The following CEMIP2 variants were observed in gnomAD, a reference collection of about 807,000 sequenced individuals.
CEMIP2 encodes the protein cell surface hyaluronidase CEMIP2.
In CEMIP2, 79 loss-of-function variants were observed where a neutral mutation model predicts 146.9. The ratio of observed to expected loss-of-function variants is 0.54; its 90% CI spans 0.45 to 0.65. CEMIP2 has a LOEUF of 0.65. Among genes scored for constraint, CEMIP2 ranks in the 30% least tolerant of loss-of-function variants. The pLI is 0.00. For synonymous variants in CEMIP2, 601 were observed against 606.3 expected (o/e 0.99, Z 0.13); for missense variants, 1,596 against 1,696.2 (o/e 0.94, Z 1.04).
At chr9:71,752,276 T>C (rs184400644) in intron 1 of CEMIP2, among the ~76,000 whole-genome samples, 47 of 151,776 alleles carry the variant, frequency 3.1e-4, no homozygotes, top group African/African-American at 1.1e-3. Context: ...CTAAAAGGCC[T>C]ATTAATCTCA....
At chr9:71,712,420 T>C in intron 15 of CEMIP2, 160 bp from the exon 16 acceptor site, 1 of 619,344 alleles carries the variant, frequency 1.6e-6, no homozygotes, top group Non-Finnish European at 2.8e-6. Context: ...ATGAAACATA[T>C]GCTGTAGTGG....
At chr9:71,728,303 A>ACGTG (rs1491281318) in intron 10 of CEMIP2, among the ~76,000 whole-genome samples, 1 of 24,648 alleles carries the variant, frequency 4.1e-5, no homozygotes, top group Non-Finnish European at 8.0e-5. Context: ...ATATATATAC[A>ACGTG]TATATATATA....
Position 71,728,275 on chromosome 9 carries a change from A to ACGTATATATATATATACG in CEMIP2, c.2049+1569_2049+1570insCGTATATATATATATACG, listed in dbSNP as rs71353512. Among the ~76,000 whole-genome samples the ACGTATATATATATATACG allele has an allele frequency of 9.8e-3, 125 of 12,702 alleles. 29 individuals are homozygous for ACGTATATATATATATACG. The highest frequency in any genetic ancestry group is 0.02 in the Non-Finnish European group (106 of 5,348). The allele number at this position is 12,702 out of a possible 152,430, so 8.3% of individuals were successfully genotyped here. On this transcript the variant is annotated intron_variant, in intron 10 of 23. Transcript: ENST00000377044. Reference sequence around the variant, plus strand: ...TGTATATACACGTATATATATATATATATATGTATATATATATATATATAT... The same window carrying ACGTATATATATATATACG: ...TGTATATACACGTATATATATATATACGTATATATATATATACGTATATGTATATATATATATATATAT...
At chr9:71,686,283 C>T (rs1822058773) in intron 22 of CEMIP2, 2 of 165,528 alleles carry the variant, frequency 1.2e-5, no homozygotes, top group African/African-American at 4.8e-5. Flanking sequence ...AGGAGCAGAA[C>T]CCTATTGGGA....
chr9:71,757,698 A>G (rs931509882), intron 1 of CEMIP2, among the ~76,000 whole-genome samples: 1 of 152,214 alleles, frequency 6.6e-6, no homozygotes, highest in African/African-American at 2.4e-5. Context: ...GGAGAAGAAC[A>G]CAACAAAGAA....
intron 14 of CEMIP2, among the ~76,000 whole-genome samples, chr9:71,715,648 A>ATATATATG (rs967444649): frequency 7.5e-5 from 10 of 134,222 alleles, no homozygotes; most frequent in South Asian, 4.6e-4. Flanking sequence ...ATATATATAT[A>ATATATATG]CTTTTTTTTT....
chr9:71,714,952 C>A lies in CEMIP2; in HGVS notation c.2573G>T (p.Arg858Leu). The A allele has an allele frequency of 6.2e-7, 1 of 1,613,530 alleles. No individual in the cohort carries two copies. The highest frequency in any genetic ancestry group is 8.5e-7 in the Non-Finnish European group (1 of 1,179,802). ...VGTGGIDQKPRTLPRNRTFPI... is the reference protein window; with the variant it reads ...VGTGGIDQKPLTLPRNRTFPI... The stretch of plus-strand genomic sequence containing the variant: ...TGCTTACCTGTTCCTGGGTAATGTT[C>A]GAGGCTTCTGGTCTATTCCTCCAGT... Residue 858 changes from arginine to leucine, a missense_variant, in exon 15 of 24, where the codon CGA becomes CTA. Physicochemically the swap from Arg to Leu is moderately radical, Grantham distance 102. Transcript: ENST00000377044.
intron 10 of CEMIP2, 150 bp from the exon 11 acceptor site, chr9:71,725,859 T>C: frequency 7.7e-6 from 6 of 775,504 alleles, no homozygotes; most frequent in Admixed American, 3.4e-5. Flanking sequence ...TAAAAAGTTG[T>C]ACACACGTCT....
chr9:71,714,199 A>G (rs1292297994), intron 15 of CEMIP2, among the ~76,000 whole-genome samples: 1 of 152,188 alleles, frequency 6.6e-6, no homozygotes, highest in Non-Finnish European at 1.5e-5. Flanking sequence ...GAATTATGAC[A>G]TGGGCTCAGA....
chr9:71,722,444 A>G lies in CEMIP2; in HGVS notation c.2250T>C (p.Cys750=), dbSNP rs780463469. 4.3e-6 allele frequency: 7 copies of G among 1,613,586 alleles called. No homozygotes were observed. Among genetic ancestry groups the G allele is most frequent in the Non-Finnish European group, 5.9e-6 (7 of 1,179,804 alleles). ...AGCTTTACCTTGCACTATTGTCCAA[A>G]CAGAGGTATTCCCTTGGGTCAGCAG... ...SSAADPREYL[C]LDNSARFRPH... Residue 750 remains cysteine (C), a synonymous_variant, in exon 12 of 24, where the codon TGT becomes TGC. Transcript: ENST00000377044.
At chr9:71,715,425 T>G (rs1397491133) in intron 14 of CEMIP2, among the ~76,000 whole-genome samples, 1 of 151,042 alleles carries the variant, frequency 6.6e-6, no homozygotes, top group Non-Finnish European at 1.5e-5. Flanking sequence ...TTAAAATTTT[T>G]GTGGAGATGG....
intron 21 of CEMIP2, among the ~76,000 whole-genome samples, chr9:71,691,420 G>GAAA (rs148544899): frequency 0.016 from 2,067 of 125,926 alleles, 124 homozygotes; most frequent in African/African-American, 0.02. Flanking sequence ...TCTGTCTCAG[G>GAAA]AAAAAAAAAA....
intron 1 of CEMIP2, among the ~76,000 whole-genome samples, chr9:71,755,346 T>TACATACACACACACACACACACACAC (rs1824398744): frequency 7.4e-6 from 1 of 134,872 alleles, no homozygotes; most frequent in African/African-American, 2.9e-5. Context: ...ACCCTGTCTC[T>TACATACACACACACACACACACACAC]ACACACACAC....
chr9:71,768,585 GCCT>G (rs971294100), upstream of CEMIP2: 460 of 151,852 alleles, frequency 3.0e-3, 2 homozygotes, highest in Non-Finnish European at 5.1e-3. Context: ...CTCCGCCTCC[GCCT>G]CCTCCTCCTC....
In CEMIP2 at chr9:71,715,101, C is replaced by A; in HGVS notation, c.2436-12G>T. ...GGAAGCTTCCATCACTGTTAAAATG[C>A]GAACAATCATTAGCTACATTTCTCC... On this transcript the variant is annotated splice_polypyrimidine_tract_variant and intron_variant, in intron 14 of 23. Transcript: ENST00000377044. The A allele has an allele frequency of 6.2e-7, 1 of 1,611,854 alleles. No homozygotes were observed. The highest frequency in any genetic ancestry group is 8.5e-7 in the Non-Finnish European group (1 of 1,179,084).
rs11142982 is a variant in CEMIP2 at position 71,728,239 on chromosome 9, A to C, written c.2049+1606T>G. Among the ~76,000 whole-genome samples the C allele has an allele frequency of 3.5e-3, 104 of 29,994 alleles. 3 individuals carry two copies. Among genetic ancestry groups the C allele is most frequent in the Non-Finnish European group, 5.2e-3 (57 of 11,010 alleles). The allele number at this position is 29,994 out of a possible 152,430, so 19.7% of individuals were successfully genotyped here. On this transcript the variant is annotated intron_variant, in intron 10 of 23. Transcript: ENST00000377044. ...TCTCTCTCTCTCTCTCTCTATATAT[A>C]TATATATATATGTATATACACGTAT...
At chr9:71,714,750 A>G (rs1822999618) in intron 15 of CEMIP2, among the ~76,000 whole-genome samples, 184 bp downstream of exon 15, 1 of 152,214 alleles carries the variant, frequency 6.6e-6, no homozygotes, top group South Asian at 2.1e-4. Flanking sequence ...GGAGGATAAT[A>G]CACATAATAA....
In CEMIP2 at chr9:71,685,200, A is replaced by T; in HGVS notation, c.4149T>A (p.His1383Gln). 1 of 1,605,866 alleles carries T rather than the reference A, an allele frequency of 6.2e-7. No homozygotes were observed. Among genetic ancestry groups the T allele is most frequent in the Non-Finnish European group, 8.5e-7 (1 of 1,176,824 alleles). Reference sequence around the variant, plus strand: ...GCACTTAAGTTACAGTTAGTCTCTAATGTGCTTTTGAAGCTTGCTTTAGCA... The same window carrying T: ...GCACTTAAGTTACAGTTAGTCTCTATTGTGCTTTTGAAGCTTGCTTTAGCA... The part of the protein sequence containing the change: ...LELLKQASKA[H>Q] The change falls in exon 24 of 24, where the codon CAT becomes CAA. Residue 1383 changes from histidine (H) to glutamine (Q), a missense_variant. Physicochemically the swap from His to Gln is conservative, Grantham distance 24. Transcript: ENST00000377044.
intron 1 of CEMIP2, among the ~76,000 whole-genome samples, chr9:71,750,720 T>A (rs988440791): frequency 6.6e-6 from 1 of 151,968 alleles, no homozygotes. Flanking sequence ...GTGCTGGGAT[T>A]ACAGGTGTGA....
Sources: gnomAD v4.1 joint callset for allele counts (sites outside exome capture counted in the v4.1 genomes callset) on GRCh38, gnomAD v4.1.1 for gene constraint, MANE v1.5 for transcripts, NCBI Gene and HGNC (gene_info 2026-07-23, HGNC 2026-07-21) for gene names.